Variants in FANCB observed in about 807,000 individuals in gnomAD.
The protein encoded by FANCB is FA complementation group B.
In FANCB, 5 loss-of-function variants were observed where a neutral mutation model predicts 38.9. The observed-to-expected ratio is 0.13, with a 90% CI of 0.07 to 0.27. The LOEUF is 0.27. Ranked by LOEUF, FANCB falls within the 10% of genes least tolerant of loss-of-function variation. FANCB has a pLI of 1.00. For synonymous variants in FANCB, 236 were observed against 215.4 expected, an observed-to-expected ratio of 1.10 and a Z score of -0.84; for missense variants, 573 against 602.7, an observed-to-expected ratio of 0.95 and a Z score of 0.52.
the FANCB span, among the ~76,000 whole-genome samples, chrX:14,817,101 A>G: frequency 9.0e-6 from 1 of 111,088 alleles, no homozygotes; most frequent in Non-Finnish European, 1.9e-5. Context: ...AGAATTCCCC[A>G]CTGTTTTTAT....
the FANCB span, among the ~76,000 whole-genome samples, chrX:14,805,849 C>A: frequency 1.8e-5 from 2 of 111,944 alleles, no homozygotes; most frequent in Non-Finnish European, 3.8e-5. Context: ...CCATTCACTG[C>A]AGCTCAACAA....
intron 5 of FANCB, among the ~76,000 whole-genome samples, chrX:14,857,239 C>T (rs2092426878): frequency 8.9e-6 from 1 of 112,100 alleles, no homozygotes; most frequent in South Asian, 3.6e-4. Flanking sequence ...AGGCAGCTTA[C>T]AAAAGAACAT....
At chrX:14,732,247 G>C in the FANCB span, among the ~76,000 whole-genome samples, 11 of 112,132 alleles carry the variant, frequency 9.8e-5, no homozygotes, top group African/African-American at 2.9e-4. Flanking sequence ...GTATTCCATG[G>C]TGTATATGTG....
chrX:14,713,901 T>C, the FANCB span, among the ~76,000 whole-genome samples: 1 of 111,236 alleles, frequency 9.0e-6, no homozygotes, highest in Non-Finnish European at 1.9e-5. Context: ...AATCCATTTA[T>C]TTGCTATGTT....
At chrX:14,707,074 GC>G in the FANCB span, among the ~76,000 whole-genome samples, 64 of 111,605 alleles carry the variant, frequency 5.7e-4, no homozygotes, top group South Asian at 2.6e-3. Flanking sequence ...CTTCATCCCA[GC>G]CAAGTACCCT....
At chrX:14,775,592 T>C in the FANCB span, among the ~76,000 whole-genome samples, 1 of 111,727 alleles carries the variant, frequency 9.0e-6, no homozygotes, top group Non-Finnish European at 1.9e-5. Flanking sequence ...CAAGGAGAAC[T>C]GAGGCTGTCT....
chrX:14,746,160 AC>A, the FANCB span, among the ~76,000 whole-genome samples: 1 of 112,125 alleles, frequency 8.9e-6, no homozygotes, highest in Non-Finnish European at 1.9e-5. Context: ...TTCAGTCAAA[AC>A]TTTTAGCATT....
chrX:14,805,526 A>G, the FANCB span, among the ~76,000 whole-genome samples: 6 of 111,319 alleles, frequency 5.4e-5, no homozygotes, highest in African/African-American at 1.3e-4. Flanking sequence ...AGCCAGCTTC[A>G]TTCTCTCGCT....
At chrX:14,831,237 A>G (rs2147368519), downstream of FANCB, among the ~76,000 whole-genome samples, 1 of 112,681 alleles carries the variant, frequency 8.9e-6, no homozygotes, top group South Asian at 3.6e-4. Context: ...GCAAAGCATT[A>G]TGTTAGATGG....
chrX:14,694,787 C>T, the FANCB span, among the ~76,000 whole-genome samples: 1 of 112,526 alleles, frequency 8.9e-6, no homozygotes, highest in Non-Finnish European at 1.9e-5. Context: ...ATGAAACTTA[C>T]ATTCTAGTGG....
In FANCB at chrX:14,843,786, C is replaced by T. The variant is rs1463158333; in HGVS notation, c.2361G>A (p.Arg787=). 2 of 1,211,095 alleles carry T rather than the reference C, an allele frequency of 1.7e-6. No individual in the cohort carries two copies. The highest frequency in any genetic ancestry group is 4.3e-5 in the Admixed American group (2 of 45,995). Reference sequence around the variant, plus strand: ...TACTCTTTCCTTTGCTCACTTCACACCTCTGCATAAAATTGCTTTCATGTT... The same window carrying T: ...TACTCTTTCCTTTGCTCACTTCACATCTCTGCATAAAATTGCTTTCATGTT... ...IAKHESNFMQ[R]CEVSKGKSSV... The change falls in exon 10 of 10, where the codon AGG becomes AGA. Residue 787 remains arginine (R), a synonymous_variant. Coordinates refer to ENST00000650831, the MANE Select transcript of FANCB (RefSeq NM_001018113.3).
the FANCB span, among the ~76,000 whole-genome samples, chrX:14,760,109 A>G: frequency 8.9e-6 from 1 of 112,386 alleles, no homozygotes; most frequent in Admixed American, 9.4e-5. Context: ...ACTAACAGAC[A>G]AAATAACCAG....
chrX:14,788,697 T>C, the FANCB span, among the ~76,000 whole-genome samples: 9 of 112,357 alleles, frequency 8.0e-5, no homozygotes, highest in South Asian at 2.6e-3. Context: ...TTTAAACACA[T>C]GGAAATTGAA....
chrX:14,711,804 G>A, the FANCB span, among the ~76,000 whole-genome samples: 1 of 112,287 alleles, frequency 8.9e-6, no homozygotes, highest in Non-Finnish European at 1.9e-5. Flanking sequence ...CAGAGTTTTC[G>A]CTCCAGAGCC....
At chrX:14,700,413 G>A in the FANCB span, among the ~76,000 whole-genome samples, 1 of 111,083 alleles carries the variant, frequency 9.0e-6, no homozygotes, top group Middle Eastern at 4.6e-3. Context: ...ACTCCTGTGA[G>A]CACCAGCATA....
chrX:14,808,520 G>A, the FANCB span, among the ~76,000 whole-genome samples: 8 of 111,568 alleles, frequency 7.2e-5, no homozygotes, highest in South Asian at 3.7e-4. Flanking sequence ...ACATCCTGTC[G>A]TGATAAAACT....
At chrX:14,860,555 G>A (rs2092442457) in intron 3 of FANCB, among the ~76,000 whole-genome samples, 1 of 111,502 alleles carries the variant, frequency 9.0e-6, no homozygotes, top group Non-Finnish European at 1.9e-5. Flanking sequence ...CAAATATAAG[G>A]CATATAATTT....
chrX:14,803,165 A>G, the FANCB span, among the ~76,000 whole-genome samples: 2 of 112,284 alleles, frequency 1.8e-5, no homozygotes, highest in Non-Finnish European at 1.9e-5. Flanking sequence ...TATGACAATC[A>G]AGTTTCATTA....
rs6631209 is a variant in FANCB at position 14,851,851 on chromosome X, G to A, written c.1327-1177C>T. On this transcript the variant is annotated intron_variant, in intron 6 of 9. Transcript: ENST00000650831. ...ATGCAACACAATGTTTTTTTGTTAC[G>A]TTTTATTACATTAACAAGATCATAT... is the stretch of plus-strand genomic sequence containing the variant. 8.1e-3 allele frequency among the ~76,000 whole-genome samples: 909 copies of A among 111,763 alleles called. 16 individuals carry two copies. Among genetic ancestry groups the A allele is most frequent in the African/African-American group, 0.028 (865 of 30,748 alleles).
Sources: allele counts gnomAD v4.1 joint callset (sites outside exome capture counted in the v4.1 genomes callset), GRCh38; gene constraint gnomAD v4.1.1; transcripts MANE v1.5; gene names NCBI Gene and HGNC (gene_info 2026-07-23, HGNC 2026-07-21).